Variants in FHIT observed in about 807,000 individuals in gnomAD.
The protein encoded by FHIT is fragile histidine triad diadenosine triphosphatase.
FHIT carries 19 observed loss-of-function variants against 17.9 expected under a neutral mutation model. The ratio of observed to expected loss-of-function variants is 1.06; its 90% confidence interval spans 0.74 to 1.56. The LOEUF (loss-of-function observed/expected upper bound fraction) is 1.56. Ranked by LOEUF, FHIT falls within the 40% of genes most tolerant of loss-of-function variation. FHIT has a pLI of 0.00. For synonymous variants in FHIT, 81 were observed against 69.7 expected (o/e 1.16, Z -0.81); for missense variants, 248 against 189.2 (o/e 1.31, Z -1.82).
intron 8 of FHIT, among the ~76,000 whole-genome samples, chr3:59,813,076 T>C (rs888576092): frequency 6.6e-6 from 1 of 152,206 alleles, no homozygotes; most frequent in Admixed American, 6.5e-5. Flanking sequence ...AAAATGGTAA[T>C]GTCATTACTC....
At chr3:60,861,240 T>TGA (rs1553752465) in intron 3 of FHIT, among the ~76,000 whole-genome samples, 1 of 65,660 alleles carries the variant, frequency 1.5e-5, no homozygotes, top group Non-Finnish European at 3.1e-5. Flanking sequence ...ATATATCATA[T>TGA]CATATATGAT....
chr3:60,326,381 G>A (rs563582123), intron 5 of FHIT, among the ~76,000 whole-genome samples: 1 of 152,098 alleles, frequency 6.6e-6, no homozygotes, highest in African/African-American at 2.4e-5. Context: ...ATAAGGAGCG[G>A]GCAACCTAGA....
At chr3:61,135,582 AACAC>A (rs10575654) in intron 2 of FHIT, among the ~76,000 whole-genome samples, 3 of 151,270 alleles carry the variant, frequency 2.0e-5, no homozygotes, top group Non-Finnish European at 3.0e-5. Context: ...CTTGTGTTCG[AACAC>A]ACACACACAC....
chr3:60,101,538 A>G (rs1195405851), intron 5 of FHIT, among the ~76,000 whole-genome samples: 3 of 152,106 alleles, frequency 2.0e-5, no homozygotes, highest in African/African-American at 7.2e-5. Context: ...CTATTACATT[A>G]CGTATTTTTT....
intron 7 of FHIT, among the ~76,000 whole-genome samples, chr3:59,960,658 A>T (rs11707783): frequency 6.6e-6 from 1 of 152,224 alleles, no homozygotes; most frequent in Non-Finnish European, 1.5e-5. Flanking sequence ...GGAAAGCAAT[A>T]AACATTCTCG....
intron 4 of FHIT, among the ~76,000 whole-genome samples, chr3:60,614,809 G>GTTTTTTTTTTTTTTTTTTTT (rs147892145): frequency 2.6e-5 from 2 of 78,226 alleles, no homozygotes; most frequent in Non-Finnish European, 4.8e-5. Flanking sequence ...TGCAAAAGTT[G>GTTTTTTTTTTTTTTTTTTTT]TTTTTTTTTT....
At chr3:60,040,571 T>C (rs1315742570) in intron 5 of FHIT, among the ~76,000 whole-genome samples, 1 of 152,158 alleles carries the variant, frequency 6.6e-6, no homozygotes. Flanking sequence ...CTTTTCTCTA[T>C]TCCCTTCTCC....
chr3:60,847,582 C>T (rs1702975128), intron 3 of FHIT, among the ~76,000 whole-genome samples: 1 of 152,120 alleles, frequency 6.6e-6, no homozygotes, highest in Non-Finnish European at 1.5e-5. Flanking sequence ...AGCACATGAA[C>T]TCATGTTATC....
intron 4 of FHIT, among the ~76,000 whole-genome samples, chr3:60,653,789 T>C (rs376261676): frequency 6.6e-6 from 1 of 152,110 alleles, no homozygotes; most frequent in African/African-American, 2.4e-5. Context: ...ACACCCAAAC[T>C]ATCAATTGTC....
chr3:59,938,614 T>G (rs1274369381), intron 7 of FHIT, among the ~76,000 whole-genome samples: 4 of 152,132 alleles, frequency 2.6e-5, no homozygotes, highest in African/African-American at 9.7e-5. Context: ...AATATGTGAA[T>G]TTGCTTCATT....
intron 7 of FHIT, among the ~76,000 whole-genome samples, chr3:59,985,658 A>G (rs948735797): frequency 9.2e-5 from 14 of 152,174 alleles, no homozygotes; most frequent in Admixed American, 3.3e-4. Flanking sequence ...CAATTTCACT[A>G]AAGACTTAAA....
chr3:60,009,165 ATGTGTGTGTGTG>A lies in FHIT; in HGVS notation c.279+2194_279+2205del, dbSNP rs753809976. 9.1e-3 allele frequency among the ~76,000 whole-genome samples: 491 copies of A among 54,072 alleles called. 2 individuals carry two copies. Among genetic ancestry groups the A allele is most frequent in the African/African-American group, 0.017 (319 of 19,178 alleles). 35.5% of individuals were successfully genotyped at this position (54,072 alleles called of 152,430 possible). On this transcript the variant is annotated intron_variant, in intron 7 of 9. Coordinates refer to ENST00000492590, the MANE Select transcript of FHIT (RefSeq NM_002012.4). ...AACCTTCATTGTTCTCTGGGATTTT[ATGTGTGTGTGTG>A]TGTGTGTGTGTGTGTGTGTGTGTGT...
At chr3:60,162,777 A>G (rs1700996644) in intron 5 of FHIT, among the ~76,000 whole-genome samples, 1 of 152,176 alleles carries the variant, frequency 6.6e-6, no homozygotes, top group Non-Finnish European at 1.5e-5. Flanking sequence ...TCCTACCTAT[A>G]AACTTCTAAA....
At chr3:60,785,636 T>G (rs1383137752) in intron 4 of FHIT, among the ~76,000 whole-genome samples, 3 of 152,094 alleles carry the variant, frequency 2.0e-5, no homozygotes, top group Non-Finnish European at 4.4e-5. Context: ...AATTTGAAAT[T>G]GACATAAAAC....
At chr3:60,950,911 A>G (rs1708858167) in intron 3 of FHIT, among the ~76,000 whole-genome samples, 1 of 152,146 alleles carries the variant, frequency 6.6e-6, no homozygotes, top group Non-Finnish European at 1.5e-5. Flanking sequence ...TTTCCAATCT[A>G]AACATAACGT....
chr3:61,210,700 C>T (rs971069486), intron 1 of FHIT, among the ~76,000 whole-genome samples: 15 of 152,146 alleles, frequency 9.9e-5, no homozygotes, highest in Admixed American at 9.8e-4. Flanking sequence ...CAGGTGCCAT[C>T]TGTCACCCCT....
At chr3:60,415,750 T>C (rs961466374) in intron 5 of FHIT, among the ~76,000 whole-genome samples, 1 of 147,940 alleles carries the variant, frequency 6.8e-6, no homozygotes, top group Non-Finnish European at 1.5e-5. Flanking sequence ...AAAAAAAAAG[T>C]CTCTATCATG....
chr3:60,376,736 G>A (rs1241809427), intron 5 of FHIT, among the ~76,000 whole-genome samples: 1 of 151,950 alleles, frequency 6.6e-6, no homozygotes, highest in Admixed American at 6.6e-5. Flanking sequence ...CCTTTAAAAC[G>A]TATTACCTTT....
At chr3:60,080,679 C>T (rs151061082) in intron 5 of FHIT, 5 of 151,996 alleles carry the variant, frequency 3.3e-5, no homozygotes, top group East Asian at 3.9e-4. Flanking sequence ...ATAAAGTCCC[C>T]GAGAAAGAAG....
Sources: allele counts gnomAD v4.1 joint callset (sites outside exome capture counted in the v4.1 genomes callset), GRCh38; gene constraint gnomAD v4.1.1; transcripts MANE v1.5; gene names NCBI Gene and HGNC (gene_info 2026-07-23, HGNC 2026-07-21).